TAFA1: variants seen among roughly 807,000 people sequenced by gnomAD.
TAFA1 encodes the protein chemokine-like protein TAFA-1.
Under a neutral mutation model 18.5 loss-of-function variants are expected in TAFA1, and 4 were observed. The ratio of observed to expected loss-of-function variants is 0.22; its 90% CI spans 0.11 to 0.49. The LOEUF is 0.49. Among genes scored for constraint, TAFA1 ranks in the 20% least tolerant of loss-of-function variants. The pLI is 0.98. For missense variants in TAFA1, 147 were observed against 169.0 expected, an observed-to-expected ratio of 0.87 and a Z score of 0.72; for synonymous variants, 56 against 55.2, an observed-to-expected ratio of 1.01 and a Z score of -0.06.
At chr3:68,005,689 A>T (rs1400553682) in intron 1 of TAFA1, among the ~76,000 whole-genome samples, 1 of 152,226 alleles carries the variant, frequency 6.6e-6, no homozygotes, top group Non-Finnish European at 1.5e-5. Flanking sequence ...CATACAGTTA[A>T]CTGGATTCTT....
At chr3:68,506,339 C>A (rs1452436942) in intron 3 of TAFA1, among the ~76,000 whole-genome samples, 1 of 152,062 alleles carries the variant, frequency 6.6e-6, no homozygotes, top group Non-Finnish European at 1.5e-5. Flanking sequence ...AACACAGTGG[C>A]ATTCCCATCA....
intron 3 of TAFA1, among the ~76,000 whole-genome samples, chr3:68,472,096 T>C (rs114650995): frequency 6.6e-6 from 1 of 152,136 alleles, no homozygotes; most frequent in East Asian, 1.9e-4. Flanking sequence ...AGTGACAGAA[T>C]GATATGGTTT....
chr3:68,095,004 C>T (rs563408039), intron 2 of TAFA1, among the ~76,000 whole-genome samples: 1 of 152,260 alleles, frequency 6.6e-6, no homozygotes, highest in East Asian at 1.9e-4. Flanking sequence ...CTATGGCAGA[C>T]TGTACAAGGT....
chr3:68,121,619 A>T (rs2065399731), intron 2 of TAFA1, among the ~76,000 whole-genome samples: 1 of 152,150 alleles, frequency 6.6e-6, no homozygotes, highest in African/African-American at 2.4e-5. Context: ...ATTCAATAAC[A>T]TGAGTTTTTC....
At chr3:68,043,107 C>A (rs937237992) in intron 2 of TAFA1, among the ~76,000 whole-genome samples, 1 of 152,116 alleles carries the variant, frequency 6.6e-6, no homozygotes, top group South Asian at 2.1e-4. Context: ...CTGGTCCTCA[C>A]GTGATCTGCC....
chr3:68,030,265 GA>G (rs1410680087), intron 2 of TAFA1, among the ~76,000 whole-genome samples: 3 of 151,768 alleles, frequency 2.0e-5, no homozygotes, highest in Non-Finnish European at 4.4e-5. Flanking sequence ...ACACTTGATG[GA>G]TTTTTTTTTT....
intron 2 of TAFA1, among the ~76,000 whole-genome samples, chr3:68,191,705 C>T (rs1358193104): frequency 6.6e-6 from 1 of 151,692 alleles, no homozygotes; most frequent in Non-Finnish European, 1.5e-5. Flanking sequence ...TAAAAAAGGG[C>T]CACTGCTCAT....
chr3:68,429,210 C>T (rs956139611), intron 3 of TAFA1, among the ~76,000 whole-genome samples: 2 of 151,880 alleles, frequency 1.3e-5, no homozygotes, highest in Admixed American at 6.6e-5. Context: ...TGTCACCTGG[C>T]AATGATCTTC....
chr3:68,279,484 T>C (rs772965922), intron 2 of TAFA1, among the ~76,000 whole-genome samples: 12 of 152,142 alleles, frequency 7.9e-5, no homozygotes, highest in Non-Finnish European at 1.2e-4. Context: ...CTGTGGGTCA[T>C]ACAGAGATGA....
At chr3:68,091,979 C>G (rs550906529) in intron 2 of TAFA1, among the ~76,000 whole-genome samples, 1 of 152,100 alleles carries the variant, frequency 6.6e-6, no homozygotes, top group Non-Finnish European at 1.5e-5. Flanking sequence ...TTAAGATACC[C>G]AGTCACAGAA....
At chr3:68,408,729 TGTG>T (rs1480953406) in intron 2 of TAFA1, among the ~76,000 whole-genome samples, 1 of 152,080 alleles carries the variant, frequency 6.6e-6, no homozygotes, top group East Asian at 1.9e-4. Flanking sequence ...TTAAACAAGA[TGTG>T]GTCCCCCTGC....
chr3:68,537,390 G>A (rs775337719), intron 3 of TAFA1, among the ~76,000 whole-genome samples: 3 of 152,140 alleles, frequency 2.0e-5, no homozygotes, highest in South Asian at 2.1e-4. Flanking sequence ...ATAAAGAATG[G>A]GGACTCAGTG....
At chr3:67,999,797 C>CTT (rs5849795), upstream of TAFA1, among the ~76,000 whole-genome samples, 5 of 143,154 alleles carry the variant, frequency 3.5e-5, no homozygotes, top group African/African-American at 7.7e-5. Flanking sequence ...TCTTTCCTTT[C>CTT]TTTTTTTTTT....
intron 2 of TAFA1, among the ~76,000 whole-genome samples, chr3:68,272,475 A>G (rs551148215): frequency 6.6e-6 from 1 of 152,312 alleles, no homozygotes; most frequent in Admixed American, 6.5e-5. Context: ...AGAATTGGTG[A>G]TGGATGAATA....
intron 2 of TAFA1, among the ~76,000 whole-genome samples, chr3:68,311,929 ACTT>A (rs1211058081): frequency 1.3e-5 from 2 of 152,116 alleles, no homozygotes; most frequent in African/African-American, 4.8e-5. Context: ...CCTGCAGCAA[ACTT>A]CTGCCTAGGC....
At chr3:68,328,246 T>C (rs956285483) in intron 2 of TAFA1, among the ~76,000 whole-genome samples, 2 of 152,192 alleles carry the variant, frequency 1.3e-5, no homozygotes, top group African/African-American at 4.8e-5. Context: ...CTCTCACAAA[T>C]ACATTCCCCA....
intron 2 of TAFA1, among the ~76,000 whole-genome samples, chr3:68,398,822 G>T (rs1416017980): frequency 3.3e-5 from 5 of 152,156 alleles, no homozygotes; most frequent in African/African-American, 1.2e-4. Context: ...AATCAAAGAA[G>T]AATGTTCATT....
At chr3:68,024,981 A>T (rs1704783767) in intron 2 of TAFA1, among the ~76,000 whole-genome samples, 1 of 151,996 alleles carries the variant, frequency 6.6e-6, no homozygotes, top group Non-Finnish European at 1.5e-5. Context: ...CACTGGTTGG[A>T]TTTTCTCCCA....
chr3:68,413,721 G>A (rs1157433815), intron 2 of TAFA1, among the ~76,000 whole-genome samples: 1 of 152,070 alleles, frequency 6.6e-6, no homozygotes. Flanking sequence ...ATTATATACT[G>A]TGTTTGAAAG....
Sources: gnomAD v4.1 joint callset for allele counts (sites outside exome capture counted in the v4.1 genomes callset) on GRCh38, gnomAD v4.1.1 for gene constraint, MANE v1.5 for transcripts, NCBI Gene and HGNC (gene_info 2026-07-23, HGNC 2026-07-21) for gene names.